SMYD3: variants seen among roughly 807,000 people sequenced by gnomAD.
SMYD3 encodes SET and MYND domain containing 3.
In SMYD3, 36 loss-of-function variants were observed where a neutral mutation model predicts 57.7. The observed-to-expected ratio is 0.62, with a 90% CI of 0.48 to 0.82. The LOEUF (loss-of-function observed/expected upper bound fraction) is 0.82. Among genes scored for constraint, SMYD3 ranks in the 40% least tolerant of loss-of-function variants. The pLI is 0.00. For synonymous variants in SMYD3, 211 were observed against 195.0 expected (o/e 1.08, Z -0.68); for missense variants, 515 against 538.8 (o/e 0.96, Z 0.44).
chr1:245,828,587 G>A (rs923014259), intron 10 of SMYD3, among the ~76,000 whole-genome samples: 1 of 152,008 alleles, frequency 6.6e-6, no homozygotes, highest in Admixed American at 6.6e-5. Flanking sequence ...TATAGGGCAT[G>A]GTGTAATGTT....
intron 1 of SMYD3, among the ~76,000 whole-genome samples, chr1:246,357,556 C>T (rs2065927165): frequency 2.0e-5 from 3 of 152,124 alleles, no homozygotes; most frequent in South Asian, 4.1e-4. Flanking sequence ...AATAAACTTG[C>T]TTTCACTTTA....
chr1:246,209,582 TA>T (rs67869737), intron 5 of SMYD3, among the ~76,000 whole-genome samples: 63,750 of 148,054 alleles, frequency 0.43, 14,433 homozygotes, highest in East Asian at 0.79. Context: ...AGCATTGGGG[TA>T]AAAAAAAAAA....
At chr1:246,002,298 C>T (rs889723631) in intron 5 of SMYD3, among the ~76,000 whole-genome samples, 1 of 106,232 alleles carries the variant, frequency 9.4e-6, no homozygotes, top group South Asian at 3.3e-4. Flanking sequence ...CATTCTCCTG[C>T]CTCAGCCTCC....
At chr1:245,893,881 GTCTA>G (rs1482861355) in intron 8 of SMYD3, among the ~76,000 whole-genome samples, 1 of 152,186 alleles carries the variant, frequency 6.6e-6, no homozygotes, top group African/African-American at 2.4e-5. Flanking sequence ...GATAGGGAAG[GTCTA>G]TCTGTTACTC....
At chr1:245,863,731 C>G in intron 9 of SMYD3, 68 bp downstream of exon 9, 1 of 1,479,058 alleles carries the variant, frequency 6.8e-7, no homozygotes, top group Non-Finnish European at 9.4e-7. Flanking sequence ...GACCTCATTA[C>G]GACAGGGCTT....
intron 5 of SMYD3, among the ~76,000 whole-genome samples, chr1:246,115,382 C>T (rs1272372062): frequency 1.3e-5 from 2 of 152,190 alleles, no homozygotes; most frequent in Non-Finnish European, 2.9e-5. Flanking sequence ...ACTTGCCCTA[C>T]ACTAAATACT....
chr1:246,187,151 C>T (rs895822661), intron 5 of SMYD3, among the ~76,000 whole-genome samples: 2 of 151,964 alleles, frequency 1.3e-5, no homozygotes, highest in Non-Finnish European at 2.9e-5. Flanking sequence ...CACTTTGGTG[C>T]GGTGGCGCAC....
chr1:246,137,628 G>A (rs770438320), intron 5 of SMYD3, among the ~76,000 whole-genome samples: 2 of 152,112 alleles, frequency 1.3e-5, no homozygotes, highest in African/African-American at 2.4e-5. Context: ...ATCAAAAGAC[G>A]GTAAAAGTAG....
intron 5 of SMYD3, among the ~76,000 whole-genome samples, chr1:246,160,911 G>A (rs1485771162): frequency 6.6e-6 from 1 of 152,180 alleles, no homozygotes; most frequent in African/African-American, 2.4e-5. Flanking sequence ...GGACCTGGCA[G>A]AGCAACTCTG....
intron 5 of SMYD3, among the ~76,000 whole-genome samples, chr1:246,170,963 C>A (rs1301616189): frequency 1.3e-5 from 2 of 152,152 alleles, no homozygotes; most frequent in Non-Finnish European, 2.9e-5. Flanking sequence ...AAACAACCCT[C>A]TAATTTTTTT....
At chr1:246,364,222 C>CAAAA (rs11361203) in intron 1 of SMYD3, among the ~76,000 whole-genome samples, 1 of 119,612 alleles carries the variant, frequency 8.4e-6, no homozygotes, top group Non-Finnish European at 1.7e-5. Flanking sequence ...GGTTGTAAGC[C>CAAAA]AAAAAAAAAA....
intron 5 of SMYD3, among the ~76,000 whole-genome samples, chr1:246,192,605 A>G (rs1380069440): frequency 1.3e-5 from 2 of 152,238 alleles, no homozygotes; most frequent in Non-Finnish European, 2.9e-5. Context: ...TAAATGCTAC[A>G]ATAAAATAAA....
At chr1:245,869,804 C>A (rs1000616092) in intron 8 of SMYD3, among the ~76,000 whole-genome samples, 1 of 152,188 alleles carries the variant, frequency 6.6e-6, no homozygotes, top group Non-Finnish European at 1.5e-5. Context: ...CAGGACTCAG[C>A]GTGTTTTCTG....
intron 10 of SMYD3, among the ~76,000 whole-genome samples, chr1:245,784,892 C>T (rs1478778778): frequency 6.7e-6 from 1 of 148,490 alleles, no homozygotes; most frequent in Non-Finnish European, 1.5e-5. Context: ...TCTTGTTGCC[C>T]AGGCTGGAGT....
intron 11 of SMYD3, among the ~76,000 whole-genome samples, chr1:245,749,882 G>A (rs1274442971): frequency 6.6e-6 from 1 of 152,150 alleles, no homozygotes; most frequent in Non-Finnish European, 1.5e-5. Flanking sequence ...CTCACTATTC[G>A]AGTCATGCTG....
At chr1:245,777,901 C>T (rs941851935) in intron 10 of SMYD3, among the ~76,000 whole-genome samples, 1 of 152,150 alleles carries the variant, frequency 6.6e-6, no homozygotes, top group Admixed American at 6.5e-5. Flanking sequence ...AGTTATAACA[C>T]ATTATTTAAA....
At chr1:246,257,013 G>A (rs1436170744) in intron 5 of SMYD3, among the ~76,000 whole-genome samples, 2 of 152,070 alleles carry the variant, frequency 1.3e-5, no homozygotes, top group East Asian at 1.9e-4. Flanking sequence ...ATTCCACTGT[G>A]GTCTTAGAAT....
intron 5 of SMYD3, among the ~76,000 whole-genome samples, chr1:246,274,229 G>A (rs907853995): frequency 2.0e-5 from 3 of 152,128 alleles, no homozygotes; most frequent in African/African-American, 7.2e-5. Flanking sequence ...AAAACATGGA[G>A]TTTCAAGGTT....
chr1:245,919,000 G>T (rs192675310), intron 7 of SMYD3, among the ~76,000 whole-genome samples: 14 of 152,302 alleles, frequency 9.2e-5, no homozygotes, highest in African/African-American at 3.1e-4. Context: ...GTCAGGCAGT[G>T]AATGGCCAAC....
Sources: allele counts gnomAD v4.1 joint callset (sites outside exome capture counted in the v4.1 genomes callset), GRCh38; gene constraint gnomAD v4.1.1; transcripts MANE v1.5; gene names NCBI Gene and HGNC (gene_info 2026-07-23, HGNC 2026-07-21).